Variants in STARD13 observed in about 807,000 individuals in gnomAD.
STARD13 encodes stAR-related lipid transfer protein 13.
In STARD13, 62 loss-of-function variants were observed where a neutral mutation model predicts 106.4. That is an observed-to-expected ratio of 0.58 (90% CI 0.48 to 0.72). STARD13 has a LOEUF of 0.72. Ranked by LOEUF, STARD13 falls within the 30% of genes least tolerant of loss-of-function variation. The pLI is 0.00. For synonymous variants in STARD13, 565 were observed against 553.0 expected, an observed-to-expected ratio of 1.02 and a Z score of -0.31; for missense variants, 1,387 against 1,424.0, an observed-to-expected ratio of 0.97 and a Z score of 0.42.
intron 1 of STARD13, among the ~76,000 whole-genome samples, chr13:33,292,618 C>T (rs1305042482): frequency 6.6e-6 from 1 of 151,414 alleles, no homozygotes; most frequent in East Asian, 1.9e-4. Context: ...AAAAAATCAC[C>T]ACCCTCAAAA....
chr13:33,334,448 T>C (rs1235572426), intron 1 of STARD13, among the ~76,000 whole-genome samples: 1 of 152,116 alleles, frequency 6.6e-6, no homozygotes, highest in Non-Finnish European at 1.5e-5. Context: ...ACTTACCTCA[T>C]CTTTAAAGTA....
chr13:33,343,103 T>C (rs995241151), intron 1 of STARD13, among the ~76,000 whole-genome samples: 2 of 152,176 alleles, frequency 1.3e-5, no homozygotes, highest in Non-Finnish European at 2.9e-5. Flanking sequence ...GGATGTCTAG[T>C]AGGCATTCCA....
intron 1 of STARD13, among the ~76,000 whole-genome samples, chr13:33,257,043 G>A (rs1890399552): frequency 6.6e-6 from 1 of 152,074 alleles, no homozygotes; most frequent in East Asian, 1.9e-4. Context: ...ACCAAAACAG[G>A]AAAAGTTTTC....
the STARD13 span, among the ~76,000 whole-genome samples, chr13:33,456,392 G>A: frequency 6.6e-6 from 1 of 152,130 alleles, no homozygotes; most frequent in African/African-American, 2.4e-5. Flanking sequence ...GTTTCACCAT[G>A]TTGGCCAGGC....
intron 1 of STARD13, among the ~76,000 whole-genome samples, chr13:33,226,755 C>T (rs1419075568): frequency 6.6e-6 from 1 of 152,056 alleles, no homozygotes; most frequent in African/African-American, 2.4e-5. Flanking sequence ...TTCTATTATT[C>T]AGATAAGAAC....
At chr13:33,389,335 C>T in the STARD13 span, among the ~76,000 whole-genome samples, 1 of 152,004 alleles carries the variant, frequency 6.6e-6, no homozygotes, top group Non-Finnish European at 1.5e-5. Flanking sequence ...AAGAATGAAC[C>T]CACTAATTGA....
chr13:33,380,414 CAAAAA>C, the STARD13 span, among the ~76,000 whole-genome samples: 1 of 84,594 alleles, frequency 1.2e-5, no homozygotes. Context: ...GATTCTGTCT[CAAAAA>C]AAAAAAAAAA....
chr13:33,129,877 C>G lies in STARD13; in HGVS notation c.800G>C (p.Arg267Pro). Residue 267 changes from arginine (R) to proline (P), a missense_variant, in exon 5 of 14, where the codon CGA becomes CCA. Arg to Pro is a moderately radical substitution (Grantham distance 103, BLOSUM62 -2). Coordinates refer to ENST00000336934, the MANE Select transcript of STARD13 (RefSeq NM_178006.4). ...ATGCCTCCCGTGGGCTCCCTTCCCT[C>G]GGAGTGTTTCCATGCGTTTCAAAAA... ...KSFLKRMETL[R>P]GKGAHGRHKG... 1 of 1,613,108 alleles carries G rather than the reference C, an allele frequency of 6.2e-7. No individual in the cohort carries two copies. The highest frequency in any genetic ancestry group is 8.5e-7 in the Non-Finnish European group (1 of 1,180,022).
upstream of STARD13, among the ~76,000 whole-genome samples, chr13:33,351,165 T>G (rs1463170499): frequency 2.0e-5 from 3 of 152,232 alleles, no homozygotes; most frequent in Non-Finnish European, 2.9e-5. Context: ...GTTTGAAGTG[T>G]CAAAATATTA....
At chr13:33,361,332 ATATAT>A in the STARD13 span, among the ~76,000 whole-genome samples, 1 of 33,486 alleles carries the variant, frequency 3.0e-5, no homozygotes, top group Non-Finnish European at 2.0e-3. Context: ...AAAGAATATA[ATATAT>A]AATACATGTA....
chr13:33,567,635 T>TA, the STARD13 span, among the ~76,000 whole-genome samples: 20,126 of 147,552 alleles, frequency 0.14, 3,359 homozygotes, highest in East Asian at 0.33. Context: ...TTTAGAAAGA[T>TA]AAAAATGAAG....
chr13:33,575,709 G>A, the STARD13 span, among the ~76,000 whole-genome samples: 7 of 152,222 alleles, frequency 4.6e-5, no homozygotes, highest in Admixed American at 4.6e-4. Flanking sequence ...CTTTGCTCCT[G>A]TGTGCTTCCC....
chr13:33,440,248 C>T, the STARD13 span, among the ~76,000 whole-genome samples: 1 of 148,742 alleles, frequency 6.7e-6, no homozygotes, highest in Non-Finnish European at 1.5e-5. Flanking sequence ...CACTGCACTC[C>T]AGCCTGGGCG....
the STARD13 span, chr13:33,524,217 T>G: frequency 7.9e-7 from 1 of 1,269,190 alleles, no homozygotes; most frequent in African/African-American, 1.5e-5. Context: ...CAGGGGCATA[T>G]GTAAGAAAAC....
chr13:33,144,291 G>A (rs1188041104), intron 3 of STARD13, among the ~76,000 whole-genome samples: 1 of 152,114 alleles, frequency 6.6e-6, no homozygotes, highest in East Asian at 1.9e-4. Context: ...AGAAAATAAT[G>A]TCATCTTGAG....
the STARD13 span, among the ~76,000 whole-genome samples, chr13:33,500,480 G>T: frequency 6.6e-6 from 1 of 152,108 alleles, no homozygotes; most frequent in Admixed American, 6.6e-5. Flanking sequence ...TTTGATGCCT[G>T]TCTCATATCA....
chr13:33,200,824 A>T (rs986845178), intron 1 of STARD13, among the ~76,000 whole-genome samples: 1 of 151,616 alleles, frequency 6.6e-6, no homozygotes, highest in East Asian at 1.9e-4. Flanking sequence ...GATTGAGACC[A>T]TCCTGGCTAA....
chr13:33,187,531 T>C (rs1457032368), intron 1 of STARD13, among the ~76,000 whole-genome samples: 1 of 152,202 alleles, frequency 6.6e-6, no homozygotes, highest in African/African-American at 2.4e-5. Context: ...TGCATTTTAC[T>C]GAGACTTCTA....
chr13:33,526,160 C>T, the STARD13 span, among the ~76,000 whole-genome samples: 7 of 151,852 alleles, frequency 4.6e-5, no homozygotes, highest in East Asian at 1.9e-4. Context: ...CCACTGTGGC[C>T]GGCAATAATT....
Sources: gnomAD v4.1 joint callset for allele counts (sites outside exome capture counted in the v4.1 genomes callset) on GRCh38, gnomAD v4.1.1 for gene constraint, MANE v1.5 for transcripts, NCBI Gene and HGNC (gene_info 2026-07-23, HGNC 2026-07-21) for gene names.